Variants in SLA observed in about 807,000 individuals in gnomAD.
SLA encodes src-like-adapter.
A neutral mutation model predicts 30.3 loss-of-function variants in SLA; 16 were observed. The observed-to-expected ratio is 0.53, with a 90% confidence interval of 0.36 to 0.80. SLA has a LOEUF of 0.80. Among genes scored for constraint, SLA ranks in the 30% least tolerant of loss-of-function variants. The pLI is 0.01. For missense variants in SLA, 310 were observed against 345.2 expected (o/e 0.90, Z 0.81); for synonymous variants, 143 against 137.8 (o/e 1.04, Z -0.26).
At chr8:133,064,444 G>A (rs1157000772) in intron 2 of SLA, among the ~76,000 whole-genome samples, 1 of 152,172 alleles carries the variant, frequency 6.6e-6, no homozygotes, top group Non-Finnish European at 1.5e-5. Flanking sequence ...CATTCCCAAG[G>A]GCAGATACTC....
Position 133,038,181 on chromosome 8 carries a change from G to C in SLA, c.*343C>G. ...GAGTGTAACTGTCTGGACAGGTCCAGTTCCTTGGAGAGCAGTCCTGGTGCC... is the reference window on the plus strand; with the variant it reads ...GAGTGTAACTGTCTGGACAGGTCCACTTCCTTGGAGAGCAGTCCTGGTGCC... On this transcript the variant is annotated 3_prime_UTR_variant, in exon 9 of 9. Transcript: ENST00000338087. 2 of 324,070 alleles carry C rather than the reference G, an allele frequency of 6.2e-6. No homozygotes were observed. The highest frequency in any genetic ancestry group is 1.6e-4 in the East Asian group (2 of 12,302). The allele number at this position is 324,070 out of a possible 1,614,324, so 20.1% of individuals were successfully genotyped here.
intron 1 of SLA, among the ~76,000 whole-genome samples, chr8:133,092,231 C>T (rs1416342847): frequency 1.3e-5 from 2 of 152,196 alleles, no homozygotes; most frequent in Non-Finnish European, 2.9e-5. Context: ...TGTGCTTGGC[C>T]AGGCGCAGGC....
rs1839065503 is a variant in SLA, at chr8:133,045,092, G to A, written c.376C>T (p.His126Tyr). The part of the protein sequence containing the change: ...KKGFYSLSVR[H>Y]RQVKHYRIFR... Reference sequence around the variant, plus strand: ...ATGCGGTAATGCTTTACCTGCCTGTGTCTCACCGACAGTGAGTAAAACCCT... The same window carrying A: ...ATGCGGTAATGCTTTACCTGCCTGTATCTCACCGACAGTGAGTAAAACCCT... Residue 126 changes from histidine to tyrosine, a missense_variant, in exon 7 of 9, where the codon CAC (histidine) becomes TAC (tyrosine). His to Tyr is a moderately conservative substitution (Grantham distance 83). Coordinates refer to ENST00000338087, the MANE Select transcript of SLA (RefSeq NM_001045556.3). 1 of 1,614,070 alleles carries A rather than the reference G, an allele frequency of 6.2e-7. No homozygotes were observed. Among genetic ancestry groups the A allele is most frequent in the South Asian group, 1.1e-5 (1 of 91,090 alleles).
At chr8:133,095,389 A>T (rs907643694) in intron 1 of SLA, among the ~76,000 whole-genome samples, 9 of 152,138 alleles carry the variant, frequency 5.9e-5, no homozygotes, top group African/African-American at 2.2e-4. Flanking sequence ...AGCCTGCAAC[A>T]GTCCAAACAT....
At chr8:133,093,441 G>A (rs1256684073) in intron 1 of SLA, among the ~76,000 whole-genome samples, 1 of 152,186 alleles carries the variant, frequency 6.6e-6, no homozygotes, top group Non-Finnish European at 1.5e-5. Context: ...TTTAAAGCAG[G>A]ACCAGGAGAC....
intron 1 of SLA, 191 bp downstream of exon 1, chr8:133,102,362 G>A: frequency 5.6e-6 from 3 of 534,652 alleles, no homozygotes; most frequent in East Asian, 2.9e-5. Flanking sequence ...CAGGAGTGGA[G>A]CCTCTTACCC....
At chr8:133,072,070 AT>A (rs1844141609) in intron 2 of SLA, among the ~76,000 whole-genome samples, 1 of 152,168 alleles carries the variant, frequency 6.6e-6, no homozygotes, top group Non-Finnish European at 1.5e-5. Context: ...GCCAGCAACA[AT>A]TCTCACTTTC....
chr8:133,055,639 G>T (rs1292352574), intron 3 of SLA, among the ~76,000 whole-genome samples: 1 of 152,166 alleles, frequency 6.6e-6, no homozygotes, highest in Non-Finnish European at 1.5e-5. Flanking sequence ...TCTTTTCAGG[G>T]TCAGTCTCAA....
At chr8:133,052,184 C>A (rs756543178) in intron 3 of SLA, among the ~76,000 whole-genome samples, 22 of 152,148 alleles carry the variant, frequency 1.4e-4, no homozygotes, top group Admixed American at 3.9e-4. Context: ...GCCTCTTGGG[C>A]AGACTAAGTC....
intron 1 of SLA, among the ~76,000 whole-genome samples, chr8:133,080,117 T>C (rs976944793): frequency 6.6e-6 from 1 of 152,014 alleles, no homozygotes; most frequent in Non-Finnish European, 1.5e-5. Flanking sequence ...AAAGGTGACA[T>C]TTGAAATGAG....
At chr8:133,066,450 C>T (rs1358800048) in intron 2 of SLA, among the ~76,000 whole-genome samples, 7 of 152,110 alleles carry the variant, frequency 4.6e-5, no homozygotes, top group East Asian at 3.9e-4. Context: ...AATGCATACA[C>T]GTGGAAAAAT....
At chr8:133,038,775 A>G in intron 8 of SLA, 38 bp from the exon 9 acceptor site, 4 of 1,451,538 alleles carry the variant, frequency 2.8e-6, no homozygotes, top group Non-Finnish European at 3.9e-6. Context: ...GAAAGGGAAA[A>G]AAAGAGAGTC....
intron 1 of SLA, among the ~76,000 whole-genome samples, chr8:133,076,467 G>T (rs776841331): frequency 1.3e-5 from 2 of 152,202 alleles, no homozygotes; most frequent in Non-Finnish European, 2.9e-5. Context: ...CTCAAGAAGA[G>T]CATGCTGGGA....
intron 3 of SLA, among the ~76,000 whole-genome samples, chr8:133,057,828 C>T (rs1321084454): frequency 6.6e-6 from 1 of 151,648 alleles, no homozygotes; most frequent in Non-Finnish European, 1.5e-5. Flanking sequence ...AAGGCATTCA[C>T]TGTCCTGGCT....
At chr8:133,099,748 T>A (rs1177012107) in intron 1 of SLA, among the ~76,000 whole-genome samples, 1 of 152,164 alleles carries the variant, frequency 6.6e-6, no homozygotes, top group African/African-American at 2.4e-5. Context: ...GACACTGCTC[T>A]CTCATACCCT....
chr8:133,055,893 A>T (rs1165044469), intron 3 of SLA, among the ~76,000 whole-genome samples: 1 of 151,896 alleles, frequency 6.6e-6, no homozygotes, highest in East Asian at 1.9e-4. Context: ...TCTGGGGGGA[A>T]TCAGGCACTG....
At chr8:133,068,031 G>A (rs1412295399) in intron 2 of SLA, among the ~76,000 whole-genome samples, 1 of 152,130 alleles carries the variant, frequency 6.6e-6, no homozygotes, top group Non-Finnish European at 1.5e-5. Flanking sequence ...TGGGGCTGGG[G>A]GCTCAGCTCA....
intron 1 of SLA, among the ~76,000 whole-genome samples, chr8:133,092,393 G>A (rs187930040): frequency 2.0e-4 from 30 of 152,294 alleles, no homozygotes; most frequent in Non-Finnish European, 4.4e-5. Flanking sequence ...GAAACTCCTC[G>A]CCATTGAATA....
chr8:133,096,840 G>A lies in SLA; in HGVS notation c.-319+5713C>T, dbSNP rs567046903. Among the ~76,000 whole-genome samples, 128 of 152,322 alleles carry A rather than the reference G, an allele frequency of 8.4e-4. 1 individual carries two copies. Among genetic ancestry groups the A allele is most frequent in the African/African-American group, 2.9e-3 (122 of 41,564 alleles). On this transcript the variant is annotated intron_variant, in intron 1 of 8. Transcript: ENST00000338087. ...TCCTAGTAAAGAGAGCACGCACAAT[G>A]CACCTGGCAAACACGCAGCTTTGTG...
Sources: allele counts gnomAD v4.1 joint callset (sites outside exome capture counted in the v4.1 genomes callset), GRCh38; gene constraint gnomAD v4.1.1; transcripts MANE v1.5; gene names NCBI Gene and HGNC (gene_info 2026-07-23, HGNC 2026-07-21).